The following CDYL2 variants were observed in gnomAD, a reference collection of about 807,000 sequenced individuals.
CDYL2 encodes chromodomain Y-like protein 2.
A neutral mutation model predicts 49.4 loss-of-function variants in CDYL2; 23 were observed. The observed-to-expected ratio is 0.47, with a 90% CI of 0.34 to 0.66. CDYL2 has a LOEUF of 0.66. Ranked by LOEUF, CDYL2 falls within the 30% of genes least tolerant of loss-of-function variation. The probability of loss-of-function intolerance (pLI) is 0.01; values close to 1 mark genes in which losing one functional copy is unlikely to be tolerated. For synonymous variants in CDYL2, 360 were observed against 268.8 expected (o/e 1.34, Z -3.32); for missense variants, 678 against 656.4 (o/e 1.03, Z -0.36).
intron 2 of CDYL2, among the ~76,000 whole-genome samples, chr16:80,647,436 T>C (rs1280080468): frequency 6.6e-6 from 1 of 152,132 alleles, no homozygotes; most frequent in Non-Finnish European, 1.5e-5. Flanking sequence ...AGGAATCACA[T>C]TACCTGACTT....
At chr16:80,718,596 C>T (rs1982421) in intron 1 of CDYL2, among the ~76,000 whole-genome samples, 4,388 of 152,282 alleles carry the variant, frequency 0.029, 74 homozygotes, top group East Asian at 0.08. Flanking sequence ...GGCAGCCAGG[C>T]TCAGGAGCTA....
intron 1 of CDYL2, among the ~76,000 whole-genome samples, chr16:80,795,659 A>G (rs1265981416): frequency 1.3e-5 from 2 of 152,170 alleles, no homozygotes; most frequent in South Asian, 2.1e-4. Context: ...ACTCCAGACA[A>G]GGATAAATTT....
intron 1 of CDYL2, among the ~76,000 whole-genome samples, chr16:80,717,296 G>A (rs1361765722): frequency 6.6e-6 from 1 of 152,204 alleles, no homozygotes; most frequent in Non-Finnish European, 1.5e-5. Flanking sequence ...AGACTGCCTT[G>A]TATGTCCTCT....
chr16:80,675,541 G>C (rs1465859019), intron 2 of CDYL2, among the ~76,000 whole-genome samples: 1 of 152,156 alleles, frequency 6.6e-6, no homozygotes, highest in Non-Finnish European at 1.5e-5. Context: ...CATGAAGACT[G>C]GCTGCTTTGT....
chr16:80,709,929 ATTT>A (rs11358998), intron 1 of CDYL2, among the ~76,000 whole-genome samples: 2 of 141,300 alleles, frequency 1.4e-5, no homozygotes, highest in African/African-American at 2.6e-5. Context: ...CAGCAGGCTG[ATTT>A]TTTTTTTTTT....
chr16:80,640,898 G>A (rs540635189), intron 2 of CDYL2, among the ~76,000 whole-genome samples: 1 of 152,222 alleles, frequency 6.6e-6, no homozygotes, highest in African/African-American at 2.4e-5. Context: ...AAAATATATA[G>A]TCAGAGGAAA....
rs1910237264 is a variant in CDYL2 at position 80,687,363 on chromosome 16, T to G, written c.25-2234A>C. ...TTAGACAAATAGCCAACACAATGGA[T>G]GAGTGCGTGGGTGGGTGGATGGATG... On this transcript the variant is annotated intron_variant, in intron 1 of 6. Transcript: ENST00000570137. 2.0e-5 allele frequency among the ~76,000 whole-genome samples: 3 copies of G among 151,958 alleles called. No individual in the cohort carries two copies. In the South Asian group the frequency reaches 6.2e-4, roughly 32 times the overall value.
chr16:80,657,120 T>C (rs1394574090), intron 2 of CDYL2, among the ~76,000 whole-genome samples: 2 of 152,182 alleles, frequency 1.3e-5, no homozygotes, highest in Non-Finnish European at 2.9e-5. Flanking sequence ...TGTAGACAGC[T>C]CACGCTTAGA....
chr16:80,759,913 A>C (rs1233838311), intron 1 of CDYL2, among the ~76,000 whole-genome samples: 1 of 152,224 alleles, frequency 6.6e-6, no homozygotes, highest in African/African-American at 2.4e-5. Context: ...AATTCTAGGA[A>C]AACTGACTCA....
intron 1 of CDYL2, among the ~76,000 whole-genome samples, chr16:80,792,504 C>T (rs1019110676): frequency 1.3e-5 from 2 of 152,126 alleles, no homozygotes; most frequent in African/African-American, 4.8e-5. Context: ...AACACATGGC[C>T]AGTCTATCAG....
intron 3 of CDYL2, among the ~76,000 whole-genome samples, chr16:80,622,107 C>G (rs1021982733): frequency 6.6e-6 from 1 of 152,192 alleles, no homozygotes; most frequent in African/African-American, 2.4e-5. Flanking sequence ...CACACAATGC[C>G]TAGTCTATGC....
At chr16:80,639,649 A>G in intron 2 of CDYL2, 1 of 454,732 alleles carries the variant, frequency 2.2e-6, no homozygotes, top group African/African-American at 2.0e-5. Flanking sequence ...CATAAGAACA[A>G]AAAATCAGGT....
chr16:80,725,044 C>G (rs1022392787), intron 1 of CDYL2, among the ~76,000 whole-genome samples: 1 of 152,176 alleles, frequency 6.6e-6, no homozygotes, highest in Admixed American at 6.5e-5. Flanking sequence ...CACTCCTGGA[C>G]CACACTTCAA....
At chr16:80,659,331 T>C (rs909614966) in intron 2 of CDYL2, among the ~76,000 whole-genome samples, 5 of 152,214 alleles carry the variant, frequency 3.3e-5, no homozygotes, top group Non-Finnish European at 5.9e-5. Context: ...AAAGGCATCA[T>C]GGAATTCTAG....
At chr16:80,619,634 C>T (rs1906986698) in intron 4 of CDYL2, among the ~76,000 whole-genome samples, 2 of 152,310 alleles carry the variant, frequency 1.3e-5, no homozygotes, top group African/African-American at 2.4e-5. Flanking sequence ...TGGGACCACG[C>T]AAAGCGCAAA....
intron 1 of CDYL2, among the ~76,000 whole-genome samples, chr16:80,727,463 G>A (rs187728463): frequency 6.6e-5 from 10 of 152,210 alleles, no homozygotes; most frequent in Non-Finnish European, 1.3e-4. Flanking sequence ...ACGGAGTCTC[G>A]CTGATTGCTA....
At chr16:80,794,598 ATTTT>A (rs966789395) in intron 1 of CDYL2, among the ~76,000 whole-genome samples, 2,384 of 66,524 alleles carry the variant, frequency 0.036, 39 homozygotes, top group African/African-American at 0.14. Flanking sequence ...ATTCCCAGTG[ATTTT>A]TTTTTTTTTT....
At chr16:80,804,004 A>G (rs1026592489) in intron 1 of CDYL2, 146 bp downstream of exon 1, 3 of 231,640 alleles carry the variant, frequency 1.3e-5, no homozygotes, top group Admixed American at 7.6e-5. Flanking sequence ...GGCCCCCGCC[A>G]CCCTCCGGCC....
At chr16:80,659,984 A>G (rs545488660) in intron 2 of CDYL2, among the ~76,000 whole-genome samples, 1 of 152,272 alleles carries the variant, frequency 6.6e-6, no homozygotes, top group Non-Finnish European at 1.5e-5. Flanking sequence ...CATATTGTCA[A>G]AAAGGAATGG....
Sources: gnomAD v4.1 joint callset for allele counts (sites outside exome capture counted in the v4.1 genomes callset) on GRCh38, gnomAD v4.1.1 for gene constraint, MANE v1.5 for transcripts, NCBI Gene and HGNC (gene_info 2026-07-23, HGNC 2026-07-21) for gene names.